SMOC1: variants seen among roughly 807,000 people sequenced by gnomAD.
SMOC1 encodes SPARC related modular calcium binding 1, also known as SPARC-related modular calcium-binding protein 1.
Under a neutral mutation model 56.3 loss-of-function variants are expected in SMOC1, and 22 were observed. The ratio of observed to expected loss-of-function variants is 0.39; its 90% confidence interval spans 0.28 to 0.56. The LOEUF (loss-of-function observed/expected upper bound fraction) is 0.56, where lower values mean the gene tolerates loss of function less well. Ranked by LOEUF, SMOC1 falls within the 20% of genes least tolerant of loss-of-function variation. The pLI is 0.61. For synonymous variants in SMOC1, 193 were observed against 215.0 expected (o/e 0.90, Z 0.89); for missense variants, 509 against 565.4 (o/e 0.90, Z 1.01).
intron 1 of SMOC1, among the ~76,000 whole-genome samples, chr14:69,882,166 A>G (rs1478552557): frequency 6.6e-6 from 1 of 152,148 alleles, no homozygotes; most frequent in African/African-American, 2.4e-5. Flanking sequence ...TCTATGGCTT[A>G]TTGGGGGCCT....
intron 10 of SMOC1, among the ~76,000 whole-genome samples, chr14:70,017,543 C>T (rs922105444): frequency 9.9e-5 from 15 of 152,190 alleles, no homozygotes; most frequent in African/African-American, 3.6e-4. Flanking sequence ...AGCTGGACAT[C>T]AGCTGGGGCC....
chr14:69,979,373 G>T (rs892872774), intron 5 of SMOC1, among the ~76,000 whole-genome samples: 1 of 152,158 alleles, frequency 6.6e-6, no homozygotes, highest in East Asian at 1.9e-4. Flanking sequence ...ATGGGCTACT[G>T]CTCTTTCCCT....
At chr14:69,885,687 C>A (rs1883783364) in intron 1 of SMOC1, 2 of 1,450,064 alleles carry the variant, frequency 1.4e-6, no homozygotes, top group Non-Finnish European at 9.7e-7. Flanking sequence ...ACCAGCTGAG[C>A]TTTCTTGTTC....
At chr14:69,884,651 TG>T (rs1883745070) in intron 1 of SMOC1, among the ~76,000 whole-genome samples, 1 of 152,214 alleles carries the variant, frequency 6.6e-6, no homozygotes, top group Non-Finnish European at 1.5e-5. Context: ...CTTCTGCATG[TG>T]GATATCCAGT....
intron 5 of SMOC1, among the ~76,000 whole-genome samples, chr14:69,982,177 T>G (rs1884203744): frequency 6.6e-6 from 1 of 152,254 alleles, no homozygotes; most frequent in Non-Finnish European, 1.5e-5. Flanking sequence ...GGGAGTTAGT[T>G]GTTTAAGGAA....
In SMOC1 at chr14:70,019,141, A is replaced by G. The variant is rs149576677; in HGVS notation, c.1047-4062A>G. Among the ~76,000 whole-genome samples, 79 of 152,296 alleles carry G rather than the reference A, an allele frequency of 5.2e-4. 2 individuals carry two copies. The highest frequency in any genetic ancestry group is 1.9e-3 in the African/African-American group (78 of 41,570). On this transcript the variant is annotated intron_variant, in intron 10 of 11. Coordinates refer to ENST00000361956, the MANE Select transcript of SMOC1 (RefSeq NM_001034852.3). ...AAGTGCTGTGGGAGAAGTGTAGCCT[A>G]TGCCACCTCTGAAACTGGGAGAAGG... is the stretch of plus-strand genomic sequence containing the variant.
At chr14:69,914,372 A>C (rs1038313565) in intron 1 of SMOC1, among the ~76,000 whole-genome samples, 1 of 152,238 alleles carries the variant, frequency 6.6e-6, no homozygotes, top group East Asian at 1.9e-4. Context: ...TTATAAAGTA[A>C]ATAAAGCCTT....
At chr14:70,012,716 T>G (rs1885383616) in intron 9 of SMOC1, among the ~76,000 whole-genome samples, 1 of 152,172 alleles carries the variant, frequency 6.6e-6, no homozygotes, top group South Asian at 2.1e-4. Flanking sequence ...TGTGGTGGTG[T>G]TTTCCCCAGC....
At chr14:70,024,093 A>G (rs1333826506) in intron 11 of SMOC1, among the ~76,000 whole-genome samples, 1 of 152,056 alleles carries the variant, frequency 6.6e-6, no homozygotes, top group African/African-American at 2.4e-5. Flanking sequence ...GTCACTAGGA[A>G]GGCTGGGTTT....
At chr14:69,951,845 T>C (rs921700333) in intron 1 of SMOC1, among the ~76,000 whole-genome samples, 1 of 152,202 alleles carries the variant, frequency 6.6e-6, no homozygotes, top group African/African-American at 2.4e-5. Flanking sequence ...GTCTACAGAA[T>C]AGAGTTTCTA....
intron 5 of SMOC1, among the ~76,000 whole-genome samples, chr14:69,987,349 G>A (rs899609562): frequency 2.6e-5 from 4 of 152,206 alleles, no homozygotes; most frequent in Admixed American, 6.5e-5. Context: ...CAGAATGGGG[G>A]AAGTGGTTTC....
chr14:69,919,478 T>G (rs1214010172), intron 1 of SMOC1, among the ~76,000 whole-genome samples: 2 of 152,244 alleles, frequency 1.3e-5, no homozygotes, highest in African/African-American at 4.8e-5. Context: ...TTATCACTAC[T>G]AATATTTACC....
chr14:69,937,129 G>A (rs1384458252), intron 1 of SMOC1, among the ~76,000 whole-genome samples: 2 of 152,154 alleles, frequency 1.3e-5, no homozygotes, highest in Admixed American at 6.5e-5. Context: ...TTCTTTGAGA[G>A]TGTGCAGGCT....
At chr14:69,881,553 A>G (rs1338356837) in intron 1 of SMOC1, among the ~76,000 whole-genome samples, 1 of 152,106 alleles carries the variant, frequency 6.6e-6, no homozygotes, top group Non-Finnish European at 1.5e-5. Context: ...AATTTGATAG[A>G]AGTGATGGAA....
chr14:69,883,685 T>A (rs573213641), intron 1 of SMOC1, among the ~76,000 whole-genome samples: 12 of 152,140 alleles, frequency 7.9e-5, no homozygotes, highest in Middle Eastern at 3.2e-3. Context: ...CTGCTTTAAA[T>A]TTTTTGAGGA....
At chr14:69,899,474 C>T (rs1268715255) in intron 1 of SMOC1, among the ~76,000 whole-genome samples, 1 of 152,154 alleles carries the variant, frequency 6.6e-6, no homozygotes, top group Non-Finnish European at 1.5e-5. Context: ...TAAGATGTTC[C>T]TGCTTCCCTT....
At position 69,949,443 on chromosome 14, in the gene SMOC1, C is replaced by T. The variant is rs577723675; in HGVS notation, c.100-2695C>T. ...AGGTGTTCACAGGCAAAGCAGACAT[C>T]GTTCTCATCTTCATGGAGCTCAGAG... is the stretch of plus-strand genomic sequence containing the variant. On this transcript the variant is annotated intron_variant, in intron 1 of 11. Transcript: ENST00000361956. 6.6e-5 allele frequency among the ~76,000 whole-genome samples: 10 copies of T among 152,308 alleles called. No individual in the cohort carries two copies. In the East Asian group the frequency reaches 1.4e-3, roughly 21 times the overall value.
At chr14:69,975,916 G>A in intron 4 of SMOC1, 102 bp downstream of exon 4, 1 of 804,016 alleles carries the variant, frequency 1.2e-6, no homozygotes. Flanking sequence ...TGATGGTGGT[G>A]ATGAACCTTT....
At position 70,010,549 on chromosome 14, in the gene SMOC1, G is replaced by A. The variant is rs146414271; in HGVS notation, c.665-205G>A. On this transcript the variant is annotated intron_variant, in intron 7 of 11. Coordinates refer to ENST00000361956, the MANE Select transcript of SMOC1 (RefSeq NM_001034852.3). ...CTAATGAATGCTGGCAGCAGAGATGGCCACAGGGAGGTTCTGAACCTCCAG... is the reference window on the plus strand; with the variant it reads ...CTAATGAATGCTGGCAGCAGAGATGACCACAGGGAGGTTCTGAACCTCCAG... 2.2e-3 allele frequency among the ~76,000 whole-genome samples: 331 copies of A among 152,368 alleles called. 1 individual carries two copies. Among genetic ancestry groups the A allele is most frequent in the African/African-American group, 7.3e-3 (302 of 41,588 alleles).
Sources: gnomAD v4.1 joint callset for allele counts (sites outside exome capture counted in the v4.1 genomes callset) on GRCh38, gnomAD v4.1.1 for gene constraint, MANE v1.5 for transcripts, NCBI Gene and HGNC (gene_info 2026-07-23, HGNC 2026-07-21) for gene names.